SLC9B2: variants seen among roughly 807,000 people sequenced by gnomAD.
The protein encoded by SLC9B2 is sodium/hydrogen exchanger 9B2.
Under a neutral mutation model 52.2 loss-of-function variants are expected in SLC9B2, and 39 were observed. The observed-to-expected ratio is 0.75, with a 90% CI of 0.58 to 0.98. SLC9B2 has a LOEUF of 0.98. SLC9B2 is among the 50% of genes least tolerant of loss of function. The pLI is 0.00. For synonymous variants in SLC9B2, 214 were observed against 227.0 expected (o/e 0.94, Z 0.51); for missense variants, 626 against 637.5 (o/e 0.98, Z 0.19).
At chr4:103,071,332 T>C (rs966100091) in intron 1 of SLC9B2, among the ~76,000 whole-genome samples, 1 of 151,390 alleles carries the variant, frequency 6.6e-6, no homozygotes, top group Non-Finnish European at 1.5e-5. Context: ...GCCTCCCAAG[T>C]AGCTAGGACT....
At chr4:103,040,123 T>C (rs752170556) in intron 9 of SLC9B2, among the ~76,000 whole-genome samples, 48 of 152,286 alleles carry the variant, frequency 3.2e-4, no homozygotes, top group Admixed American at 1.1e-3. Context: ...CAAAGAGCTC[T>C]TCAAAAAAAT....
chr4:103,034,001 C>T (rs1343331038), intron 9 of SLC9B2, among the ~76,000 whole-genome samples: 1 of 152,074 alleles, frequency 6.6e-6, no homozygotes, highest in Non-Finnish European at 1.5e-5. Flanking sequence ...TAGCCAAAAG[C>T]AATCCTAAGC....
At chr4:103,040,422 G>T (rs1207565045) in intron 9 of SLC9B2, among the ~76,000 whole-genome samples, 1 of 152,144 alleles carries the variant, frequency 6.6e-6, no homozygotes, top group Non-Finnish European at 1.5e-5. Flanking sequence ...TCAGACATGG[G>T]CTTATATATT....
chr4:103,075,267 A>G lies in SLC9B2; in HGVS notation c.-43+917T>C, dbSNP rs72943180. Among the ~76,000 whole-genome samples the G allele has an allele frequency of 4.0e-3, 608 of 152,270 alleles. 2 individuals are homozygous for G. The highest frequency in any genetic ancestry group is 0.014 in the African/African-American group (573 of 41,548). On this transcript the variant is annotated intron_variant, in intron 1 of 11. Coordinates refer to ENST00000394785, the MANE Select transcript of SLC9B2 (RefSeq NM_178833.7). The stretch of plus-strand genomic sequence containing the variant: ...TGGGTTCAAGCGATTCTTCAGCCTC[A>G]GCCTCCGGAATAGCTGGAATTACGG...
intron 6 of SLC9B2, among the ~76,000 whole-genome samples, 171 bp from the exon 7 acceptor site, chr4:103,047,397 CT>C (rs1033393814): frequency 8.1e-5 from 11 of 135,210 alleles, no homozygotes; most frequent in South Asian, 4.6e-4. Flanking sequence ...GTTTTTTTTT[CT>C]TTTTTTTATT....
At chr4:103,070,936 A>C (rs1034835977) in intron 1 of SLC9B2, among the ~76,000 whole-genome samples, 1 of 152,194 alleles carries the variant, frequency 6.6e-6, no homozygotes, top group African/African-American at 2.4e-5. Context: ...GCGACAGAGC[A>C]AGACTGTATA....
At chr4:103,069,744 T>C (rs1238461010) in intron 1 of SLC9B2, among the ~76,000 whole-genome samples, 3 of 152,196 alleles carry the variant, frequency 2.0e-5, no homozygotes, top group Non-Finnish European at 2.9e-5. Context: ...ATTAGGAGAA[T>C]TACATAGAAA....
At chr4:103,072,669 A>G (rs1746768527) in intron 1 of SLC9B2, among the ~76,000 whole-genome samples, 1 of 152,216 alleles carries the variant, frequency 6.6e-6, no homozygotes, top group South Asian at 2.1e-4. Flanking sequence ...AGTAAAATAG[A>G]CTTACTGCTA....
chr4:103,065,459 C>G (rs978153186), intron 3 of SLC9B2: 3 of 151,986 alleles, frequency 2.0e-5, no homozygotes, highest in Non-Finnish European at 4.4e-5. Flanking sequence ...ATACATACTT[C>G]AAAACATCAT....
chr4:103,055,015 TA>T (rs1745000740), intron 4 of SLC9B2, among the ~76,000 whole-genome samples: 2 of 152,028 alleles, frequency 1.3e-5, no homozygotes, highest in Non-Finnish European at 2.9e-5. Flanking sequence ...TAGACTGGAT[TA>T]AGGAAATGTG....
intron 10 of SLC9B2, among the ~76,000 whole-genome samples, chr4:103,030,998 T>C (rs1277077902): frequency 1.4e-5 from 2 of 139,324 alleles, no homozygotes; most frequent in African/African-American, 2.7e-5. Flanking sequence ...GCAGCATGTG[T>C]CAGAAGAGAA....
chr4:103,030,881 G>A (rs137961768), intron 10 of SLC9B2, among the ~76,000 whole-genome samples: 4 of 152,184 alleles, frequency 2.6e-5, no homozygotes, highest in South Asian at 2.1e-4. Context: ...TACCATTTAT[G>A]AGTCTGACTA....
At chr4:103,077,069 TTTAA>T (rs1352531114), upstream of SLC9B2, 1 of 152,304 alleles carries the variant, frequency 6.6e-6, no homozygotes, top group Non-Finnish European at 1.5e-5. Context: ...TTCTATTTCA[TTTAA>T]TTCTCATTTC....
At chr4:103,058,990 C>T (rs1745398030) in intron 3 of SLC9B2, among the ~76,000 whole-genome samples, 2 of 151,930 alleles carry the variant, frequency 1.3e-5, no homozygotes. Flanking sequence ...TCCCTTGAGC[C>T]CAGAAGTTTG....
chr4:103,066,029 G>T (rs1418942389), intron 3 of SLC9B2, among the ~76,000 whole-genome samples: 2 of 152,172 alleles, frequency 1.3e-5, no homozygotes, highest in Non-Finnish European at 2.9e-5. Context: ...ACGTAATCCT[G>T]TGAAATTACT....
chr4:103,056,536 C>T, intron 4 of SLC9B2, among the ~76,000 whole-genome samples: 1 of 152,196 alleles, frequency 6.6e-6, no homozygotes, highest in East Asian at 1.9e-4. Flanking sequence ...GTGTGAGCCA[C>T]CATGATCGGC....
chr4:103,033,849 A>G (rs977879120), intron 9 of SLC9B2, among the ~76,000 whole-genome samples: 1 of 152,224 alleles, frequency 6.6e-6, no homozygotes, highest in African/African-American at 2.4e-5. Context: ...CATGGATAGG[A>G]AGAATCAATA....
At chr4:103,045,619 G>A (rs1052408804) in intron 7 of SLC9B2, among the ~76,000 whole-genome samples, 1 of 152,004 alleles carries the variant, frequency 6.6e-6, no homozygotes, top group Admixed American at 6.6e-5. Flanking sequence ...GTAGTTGGTG[G>A]GGGGGTGGGG....
At chr4:103,063,812 C>T (rs1033759610) in intron 3 of SLC9B2, among the ~76,000 whole-genome samples, 7 of 151,998 alleles carry the variant, frequency 4.6e-5, no homozygotes, top group African/African-American at 1.7e-4. Context: ...GAGTTAATGT[C>T]CAGAATATAA....
Sources: gnomAD v4.1 joint callset for allele counts (sites outside exome capture counted in the v4.1 genomes callset) on GRCh38, gnomAD v4.1.1 for gene constraint, MANE v1.5 for transcripts, NCBI Gene and HGNC (gene_info 2026-07-23, HGNC 2026-07-21) for gene names.